The following ACBD6 variants were observed in gnomAD, a reference collection of about 807,000 sequenced individuals.
The protein encoded by ACBD6 is acyl-CoA binding domain containing 6, also known as acyl-CoA-binding domain-containing protein 6.
A neutral mutation model predicts 37.2 loss-of-function variants in ACBD6; 28 were observed. That is an observed-to-expected ratio of 0.75 (90% CI 0.56 to 1.03). ACBD6 has a LOEUF of 1.03. ACBD6 is among the 50% of genes least tolerant of loss of function. The probability of loss-of-function intolerance (pLI) is 0.00; values close to 1 mark genes in which losing one functional copy is unlikely to be tolerated. For missense variants in ACBD6, 340 were observed against 337.4 expected (o/e 1.01, Z -0.06); for synonymous variants, 113 against 126.8 (o/e 0.89, Z 0.73).
intron 3 of ACBD6, among the ~76,000 whole-genome samples, chr1:180,474,487 T>C (rs1650706488): frequency 6.6e-6 from 1 of 152,184 alleles, no homozygotes; most frequent in South Asian, 2.1e-4. Flanking sequence ...TGTAATGTCA[T>C]GTGGAGAAAA....
chr1:180,442,186 C>G (rs776197444), intron 3 of ACBD6, among the ~76,000 whole-genome samples: 45 of 152,238 alleles, frequency 3.0e-4, no homozygotes, highest in Middle Eastern at 3.4e-3. Context: ...CACTGGCTTT[C>G]AACAATTTGT....
At chr1:180,492,596 C>T (rs1381980008) in intron 2 of ACBD6, among the ~76,000 whole-genome samples, 1 of 152,106 alleles carries the variant, frequency 6.6e-6, no homozygotes, top group African/African-American at 2.4e-5. Flanking sequence ...AATCGTCCTC[C>T]CCGTGAAATT....
At chr1:180,464,025 A>C (rs988878642) in intron 3 of ACBD6, among the ~76,000 whole-genome samples, 1 of 152,204 alleles carries the variant, frequency 6.6e-6, no homozygotes, top group Non-Finnish European at 1.5e-5. Flanking sequence ...AAAAACTCTC[A>C]ATAAACTAGG....
At chr1:180,453,052 C>T (rs895568763) in intron 3 of ACBD6, among the ~76,000 whole-genome samples, 1 of 152,194 alleles carries the variant, frequency 6.6e-6, no homozygotes, top group Non-Finnish European at 1.5e-5. Flanking sequence ...GGTAAACCTC[C>T]CTAACTCATT....
intron 3 of ACBD6, among the ~76,000 whole-genome samples, chr1:180,468,414 G>GAGGCC (rs1211640206): frequency 6.6e-6 from 1 of 152,196 alleles, no homozygotes; most frequent in Non-Finnish European, 1.5e-5. Flanking sequence ...CTGGTTTAAG[G>GAGGCC]AGGCAAAGAA....
intron 6 of ACBD6, among the ~76,000 whole-genome samples, chr1:180,375,362 G>A (rs2101920022): frequency 6.6e-6 from 1 of 152,118 alleles, no homozygotes; most frequent in South Asian, 2.1e-4. Flanking sequence ...CAAGGTCTCT[G>A]TCACCCAGGC....
At chr1:180,372,827 T>C (rs1653311583) in intron 6 of ACBD6, among the ~76,000 whole-genome samples, 1 of 152,188 alleles carries the variant, frequency 6.6e-6, no homozygotes, top group African/African-American at 2.4e-5. Context: ...TGCTCAAGAC[T>C]TTGCCCTTAA....
chr1:180,401,359 CT>C (rs1647350641), intron 5 of ACBD6, among the ~76,000 whole-genome samples: 3 of 152,168 alleles, frequency 2.0e-5, no homozygotes, highest in Non-Finnish European at 4.4e-5. Context: ...TTCATACCTT[CT>C]GGAAAATACA....
At chr1:180,434,706 C>A (rs1330796165) in intron 3 of ACBD6, 2 of 464,826 alleles carry the variant, frequency 4.3e-6, no homozygotes, top group Non-Finnish European at 8.0e-6. Context: ...CTTTCCAAAC[C>A]AAACCAATGT....
intron 6 of ACBD6, among the ~76,000 whole-genome samples, chr1:180,318,165 C>CT (rs1161727806): frequency 2.8e-5 from 2 of 72,192 alleles, no homozygotes; most frequent in African/African-American, 9.4e-5. Flanking sequence ...CCATCTCCGC[C>CT]CCCCCCCCCC....
In ACBD6 at chr1:180,502,094, T is replaced by C. The variant is rs1290682381; in HGVS notation, c.173A>G (p.Gln58Arg). ...KAAAHLQGLI[Q>R]VASREQLLYL... ...CAAGAGCTGCTCCCTGCTGGCCACC[T>C]GAATCAGGCCTTGCAGGTGCGCGGC... Residue 58 changes from glutamine to arginine, a missense_variant, in exon 1 of 8, where the codon CAG becomes CGG. By Grantham distance (43) the Gln-to-Arg change is conservative (BLOSUM62 1). Transcript: ENST00000367595. 1.2e-6 allele frequency: 2 copies of C among 1,613,764 alleles called. No homozygotes were observed. Among genetic ancestry groups the C allele is most frequent in the Non-Finnish European group, 1.7e-6 (2 of 1,179,870 alleles).
chr1:180,397,584 C>T lies in ACBD6; in HGVS notation c.595G>A (p.Ala199Thr). The change falls in exon 6 of 8, where the codon GCC (alanine) becomes ACC (threonine). Residue 199 changes from alanine (A) to threonine (T), a missense_variant. By Grantham distance (58) the Ala-to-Thr change is moderately conservative. Transcript: ENST00000367595. ...DEEGRALLHW[A>T]CDRGHKELVT... ...AGTTCCTTATGTCCTCGATCACAGG[C>T]CCAGTGAAGTAGAGCCCTACCCTAA... The T allele has an allele frequency of 6.2e-7, 1 of 1,613,858 alleles. No homozygotes were observed. Among genetic ancestry groups the T allele is most frequent in the Non-Finnish European group, 8.5e-7 (1 of 1,179,868 alleles).
intron 6 of ACBD6, among the ~76,000 whole-genome samples, chr1:180,340,036 G>A (rs1051097958): frequency 6.6e-6 from 1 of 152,136 alleles, no homozygotes; most frequent in Non-Finnish European, 1.5e-5. Context: ...CAAGTGCAAA[G>A]ACCCTGAAAT....
chr1:180,495,140 G>C (rs1385436370), intron 2 of ACBD6, among the ~76,000 whole-genome samples: 1 of 152,194 alleles, frequency 6.6e-6, no homozygotes, highest in African/African-American at 2.4e-5. Context: ...AATCCCTCCA[G>C]AGGGGAGAAG....
intron 6 of ACBD6, among the ~76,000 whole-genome samples, chr1:180,372,068 G>A (rs764882514): frequency 3.3e-5 from 5 of 152,044 alleles, no homozygotes; most frequent in East Asian, 1.9e-4. Flanking sequence ...AAGTTACGAT[G>A]GTGATGATGA....
chr1:180,360,478 G>A (rs1250765923), intron 6 of ACBD6, among the ~76,000 whole-genome samples: 1 of 152,068 alleles, frequency 6.6e-6, no homozygotes, highest in African/African-American at 2.4e-5. Flanking sequence ...TTTCACCTGG[G>A]AACTTGTTAA....
intron 6 of ACBD6, among the ~76,000 whole-genome samples, chr1:180,387,291 T>C (rs907949919): frequency 3.3e-5 from 5 of 152,190 alleles, no homozygotes; most frequent in Admixed American, 6.5e-5. Context: ...AAAGCATTGC[T>C]TTCTCCAGCT....
intron 6 of ACBD6, among the ~76,000 whole-genome samples, chr1:180,341,540 A>C (rs750873542): frequency 7.2e-4 from 109 of 152,014 alleles, no homozygotes; most frequent in Non-Finnish European, 1.4e-3. Context: ...CAGGATATAA[A>C]TATGCTGCTA....
intron 3 of ACBD6, chr1:180,435,002 T>C: frequency 3.1e-6 from 3 of 963,060 alleles, no homozygotes; most frequent in Non-Finnish European, 5.1e-6. Context: ...GCCTGACGTT[T>C]ACAGAGAAAT....
Sources: gnomAD v4.1 joint callset for allele counts (sites outside exome capture counted in the v4.1 genomes callset) on GRCh38, gnomAD v4.1.1 for gene constraint, MANE v1.5 for transcripts, NCBI Gene and HGNC (gene_info 2026-07-23, HGNC 2026-07-21) for gene names.